The following SOAT1 variants were observed in gnomAD, a reference collection of about 807,000 sequenced individuals.
SOAT1 encodes acyl-coenzyme A:cholesterol acyltransferase 1.
In SOAT1, 55 loss-of-function variants were observed where a neutral mutation model predicts 69.5. The observed-to-expected ratio is 0.79, with a 90% CI of 0.64 to 0.99. The LOEUF (loss-of-function observed/expected upper bound fraction) is 0.99. Ranked by LOEUF, SOAT1 falls within the 50% of genes least tolerant of loss-of-function variation. The pLI, the probability that SOAT1 is intolerant of heterozygous loss-of-function variation, is 0.00. For missense variants in SOAT1, 580 were observed against 669.3 expected, an observed-to-expected ratio of 0.87 and a Z score of 1.47; for synonymous variants, 231 against 224.7, an observed-to-expected ratio of 1.03 and a Z score of -0.25.
At chr1:179,309,428 A>T (rs1256935359) in intron 2 of SOAT1, among the ~76,000 whole-genome samples, 1 of 152,158 alleles carries the variant, frequency 6.6e-6, no homozygotes, top group African/African-American at 2.4e-5. Context: ...GGGCTTTTGC[A>T]TTTAAAATTT....
At chr1:179,314,317 A>G (rs547508063) in intron 2 of SOAT1, among the ~76,000 whole-genome samples, 116 of 152,300 alleles carry the variant, frequency 7.6e-4, no homozygotes, top group African/African-American at 2.7e-3. Flanking sequence ...AATTGAGTAA[A>G]TTAGTTACCA....
chr1:179,335,451 A>G (rs1666113923), intron 3 of SOAT1, 55 bp from the exon 4 acceptor site: 2 of 1,474,848 alleles, frequency 1.4e-6, no homozygotes, highest in East Asian at 4.6e-5. Context: ...AGAAATGCTA[A>G]TGACTCACAA....
intron 3 of SOAT1, among the ~76,000 whole-genome samples, chr1:179,333,120 C>T (rs939361310): frequency 3.9e-5 from 6 of 152,154 alleles, no homozygotes; most frequent in African/African-American, 1.4e-4. Context: ...GCTTAAATTA[C>T]AATTTTTATT....
At chr1:179,348,580 A>G (rs1666610402) in intron 12 of SOAT1, among the ~76,000 whole-genome samples, 1 of 152,186 alleles carries the variant, frequency 6.6e-6, no homozygotes, top group Admixed American at 6.5e-5. Context: ...GTTCCGTATG[A>G]ACCTAGGAAC....
Position 179,357,948 on chromosome 1 carries a change from T to G in SOAT1, c.*4307T>G, listed in dbSNP as rs1309217911. 2 of 152,070 alleles carry G rather than the reference T, an allele frequency of 1.3e-5. No individual in the cohort carries two copies. Among genetic ancestry groups the G allele is most frequent in the African/African-American group, 2.4e-5 (1 of 41,416 alleles). The allele number at this position is 152,070 out of a possible 1,614,324, so 9.4% of individuals were successfully genotyped here. On this transcript the variant is annotated 3_prime_UTR_variant, in exon 16 of 16. Transcript: ENST00000367619. ...CGAGACCCTGTCTCAAAAAAAAAATTACATATAAGCCCGGTTTAAAGAGAG... is the reference window on the plus strand; with the variant it reads ...CGAGACCCTGTCTCAAAAAAAAAATGACATATAAGCCCGGTTTAAAGAGAG...
At chr1:179,341,620 T>C (rs1214620241) in intron 7 of SOAT1, among the ~76,000 whole-genome samples, 2 of 150,518 alleles carry the variant, frequency 1.3e-5, no homozygotes, top group Non-Finnish European at 1.5e-5. Context: ...CTGCAACCCC[T>C]GCCTCCCAGG....
At chr1:179,302,551 C>T (rs1275234948) in intron 1 of SOAT1, 126 bp from the exon 2 acceptor site, 3 of 532,716 alleles carry the variant, frequency 5.6e-6, no homozygotes, top group Non-Finnish European at 9.6e-6. Flanking sequence ...TTTCCTGAGG[C>T]CTTTCCAGCC....
intron 2 of SOAT1, among the ~76,000 whole-genome samples, chr1:179,321,233 T>C (rs529400552): frequency 6.6e-6 from 1 of 152,288 alleles, no homozygotes; most frequent in Non-Finnish European, 1.5e-5. Context: ...GACATAATCT[T>C]TGTCATCCTT....
chr1:179,323,600 C>A, intron 3 of SOAT1, 105 bp downstream of exon 3: 2 of 895,160 alleles, frequency 2.2e-6, no homozygotes, highest in Non-Finnish European at 3.5e-6. Context: ...TTAAGCCATT[C>A]ATCAGTTGCT....
At chr1:179,309,956 AT>A (rs1370350393) in intron 2 of SOAT1, among the ~76,000 whole-genome samples, 5 of 151,748 alleles carry the variant, frequency 3.3e-5, no homozygotes, top group Admixed American at 1.3e-4. Flanking sequence ...GTGGAGTGCA[AT>A]GGCGTGATCT....
intron 2 of SOAT1, among the ~76,000 whole-genome samples, chr1:179,307,246 C>T (rs1268103656): frequency 2.6e-5 from 4 of 152,134 alleles, no homozygotes; most frequent in Non-Finnish European, 4.4e-5. Context: ...GATACAGTTA[C>T]AGTAGTTGAA....
intron 10 of SOAT1, among the ~76,000 whole-genome samples, chr1:179,344,386 TTTTTTTG>T (rs1666454257): frequency 8.0e-6 from 1 of 124,932 alleles, no homozygotes; most frequent in Admixed American, 8.7e-5. Context: ...TTTTTTTTTT[TTTTTTTG>T]AGAAGGAGTC....
intron 14 of SOAT1, among the ~76,000 whole-genome samples, 184 bp downstream of exon 14, chr1:179,350,615 A>G (rs1430573629): frequency 6.6e-6 from 1 of 152,210 alleles, no homozygotes; most frequent in Admixed American, 6.5e-5. Flanking sequence ...GTCTCAAGAT[A>G]TTTACACTTT....
In SOAT1 at chr1:179,353,590, A is replaced by G. The variant is rs201049100; in HGVS notation, c.1602A>G (p.Thr534=). The G allele has an allele frequency of 3.7e-6, 6 of 1,613,502 alleles. No individual in the cohort carries two copies. The highest frequency in any genetic ancestry group is 2.5e-6 in the Non-Finnish European group (3 of 1,179,614). Residue 534 remains threonine (T), a synonymous_variant, in exon 16 of 16, where the codon ACA becomes ACG. Coordinates refer to ENST00000367619, the MANE Select transcript of SOAT1 (RefSeq NM_003101.6). The stretch of plus-strand genomic sequence containing the variant: ...CTTATTTTTCCCCACTGCAGCCCAC[A>G]TTTTTGGATTATGTCCGGCCACGTT... The part of the protein sequence containing the change: ...ARQHCPLKNP[T]FLDYVRPRSW...
At chr1:179,340,922 G>A (rs535823168) in intron 6 of SOAT1, 106 bp from the exon 7 acceptor site, 1 of 987,126 alleles carries the variant, frequency 1.0e-6, no homozygotes, top group East Asian at 2.5e-5. Flanking sequence ...ACGTTGTGGT[G>A]TTTCCTAAGG....
chr1:179,336,189 G>A (rs1436598135), intron 4 of SOAT1, among the ~76,000 whole-genome samples: 4 of 150,444 alleles, frequency 2.7e-5, no homozygotes, highest in African/African-American at 4.9e-5. Flanking sequence ...AAGGTCAGGT[G>A]TGGTGGCTCA....
At chr1:179,343,018 G>A in intron 9 of SOAT1, 75 bp downstream of exon 9, 1 of 1,120,756 alleles carries the variant, frequency 8.9e-7, no homozygotes, top group South Asian at 1.3e-5. Context: ...GGTAAACAGG[G>A]GCCAGTTCAT....
intron 2 of SOAT1, among the ~76,000 whole-genome samples, chr1:179,303,579 A>C (rs1664907343): frequency 6.6e-6 from 1 of 152,224 alleles, no homozygotes; most frequent in Admixed American, 6.5e-5. Flanking sequence ...TTCATAAAGA[A>C]ACAGTTTTGT....
Position 179,344,351 on chromosome 1 carries a change from GGGTTTTTTTTTTTTTTTT to G in SOAT1, c.988-595_988-578del, listed in dbSNP as rs1666447160. Among the ~76,000 whole-genome samples the G allele has an allele frequency of 4.5e-4, 2 of 4,406 alleles. 1 individual carries two copies. Among genetic ancestry groups the G allele is most frequent in the African/African-American group, 2.3e-3 (2 of 852 alleles). The allele number at this position is 4,406 out of a possible 152,430, so 2.9% of individuals were successfully genotyped here. A position where few individuals can be genotyped will look rare whatever the true frequency, so the allele number is the denominator to read the frequency against. Reference sequence around the variant, plus strand: ...TTATGAAGTAAGTTCTTTCATTAAGGGGTTTTTTTTTTTTTTTTTTTTTTTTTTTTTTTTTTTTTTTGA... The same window carrying G: ...TTATGAAGTAAGTTCTTTCATTAAGGTTTTTTTTTTTTTTTTTTTTTTTGA... On this transcript the variant is annotated intron_variant, in intron 10 of 15. Coordinates refer to ENST00000367619, the MANE Select transcript of SOAT1 (RefSeq NM_003101.6).
Sources: gnomAD v4.1 joint callset for allele counts (sites outside exome capture counted in the v4.1 genomes callset) on GRCh38, gnomAD v4.1.1 for gene constraint, MANE v1.5 for transcripts, NCBI Gene and HGNC (gene_info 2026-07-23, HGNC 2026-07-21) for gene names.